The following MAF variants were observed in gnomAD, a reference collection of about 807,000 sequenced individuals.
The protein encoded by MAF is MAF bZIP transcription factor.
MAF carries 10 observed loss-of-function variants against 22.0 expected under a neutral mutation model. The ratio of observed to expected loss-of-function variants is 0.45; its 90% CI spans 0.28 to 0.77. The LOEUF (loss-of-function observed/expected upper bound fraction) is 0.77. Ranked by LOEUF, MAF falls within the 30% of genes least tolerant of loss-of-function variation. The probability of loss-of-function intolerance (pLI) is 0.12; values close to 1 mark genes in which losing one functional copy is unlikely to be tolerated. For synonymous variants in MAF, 337 were observed against 255.8 expected (o/e 1.32, Z -3.03); for missense variants, 544 against 548.4 (o/e 0.99, Z 0.08).
At chr16:79,519,419 T>C in the MAF span, among the ~76,000 whole-genome samples, 9 of 152,180 alleles carry the variant, frequency 5.9e-5, no homozygotes, top group African/African-American at 7.2e-5. Context: ...TTTGTCTAAA[T>C]AGAATGCTAC....
the MAF span, among the ~76,000 whole-genome samples, chr16:79,332,304 T>C: frequency 6.6e-6 from 1 of 151,856 alleles, no homozygotes; most frequent in Admixed American, 6.5e-5. Context: ...ATAATAATAA[T>C]ATTTTTTTTT....
At chr16:79,359,977 T>G in the MAF span, among the ~76,000 whole-genome samples, 9 of 152,126 alleles carry the variant, frequency 5.9e-5, no homozygotes, top group Non-Finnish European at 1.2e-4. Context: ...GCTCTTGGCA[T>G]GGGGAGTATT....
chr16:79,208,855 A>G, the MAF span, among the ~76,000 whole-genome samples: 1 of 152,288 alleles, frequency 6.6e-6, no homozygotes, highest in East Asian at 1.9e-4. Flanking sequence ...TCTCCAAGAG[A>G]CCAAAGGTGT....
chr16:79,294,219 T>A, the MAF span, among the ~76,000 whole-genome samples: 1 of 152,226 alleles, frequency 6.6e-6, no homozygotes, highest in Admixed American at 6.5e-5. Context: ...AGTCATGCAA[T>A]CCTTCCCATG....
At chr16:79,381,686 C>T in the MAF span, among the ~76,000 whole-genome samples, 1 of 152,152 alleles carries the variant, frequency 6.6e-6, no homozygotes. Flanking sequence ...CACGTGGTTG[C>T]TAACGGCAGT....
the MAF span, among the ~76,000 whole-genome samples, chr16:79,408,310 G>A: frequency 6.6e-6 from 1 of 151,962 alleles, no homozygotes. Context: ...TGGAGTAGCT[G>A]GGATTACAGG....
At chr16:79,502,398 G>A in the MAF span, among the ~76,000 whole-genome samples, 1 of 152,162 alleles carries the variant, frequency 6.6e-6, no homozygotes, top group African/African-American at 2.4e-5. Context: ...AGGCACAGTG[G>A]GTCATGCGCC....
the MAF span, among the ~76,000 whole-genome samples, chr16:79,307,570 T>C: frequency 1.3e-5 from 2 of 152,078 alleles, no homozygotes; most frequent in African/African-American, 2.4e-5. Flanking sequence ...AATGAGAAAA[T>C]AGTAGAGTTC....
the MAF span, among the ~76,000 whole-genome samples, chr16:79,577,566 G>C: frequency 6.6e-6 from 1 of 152,146 alleles, no homozygotes; most frequent in Non-Finnish European, 1.5e-5. Context: ...GCCCATGGAG[G>C]TTTTGGGTGA....
the MAF span, among the ~76,000 whole-genome samples, chr16:79,242,708 T>C: frequency 2.0e-5 from 3 of 152,038 alleles, no homozygotes; most frequent in Non-Finnish European, 2.9e-5. Context: ...GCAGATCTAA[T>C]AGACATCTAC....
the MAF span, among the ~76,000 whole-genome samples, chr16:79,263,898 ACAT>A: frequency 1.3e-5 from 2 of 152,268 alleles, no homozygotes; most frequent in East Asian, 3.9e-4. Context: ...AGGTGGTCCC[ACAT>A]CCCTTAATCC....
the MAF span, among the ~76,000 whole-genome samples, chr16:79,512,950 G>A: frequency 2.0e-5 from 3 of 152,232 alleles, no homozygotes; most frequent in Admixed American, 1.3e-4. Flanking sequence ...GCGCGAGAGA[G>A]GGGCTGAGTT....
At chr16:79,576,009 T>C in the MAF span, among the ~76,000 whole-genome samples, 6 of 151,990 alleles carry the variant, frequency 3.9e-5, no homozygotes, top group Non-Finnish European at 8.8e-5. Flanking sequence ...GTAAAGGTAC[T>C]CATGAGCCAC....
chr16:79,504,649 A>G, the MAF span, among the ~76,000 whole-genome samples: 9 of 152,188 alleles, frequency 5.9e-5, no homozygotes, highest in South Asian at 1.9e-3. Flanking sequence ...GGATAAATAA[A>G]TGAATGGATG....
At chr16:79,249,800 A>T in the MAF span, among the ~76,000 whole-genome samples, 1 of 151,430 alleles carries the variant, frequency 6.6e-6, no homozygotes, top group African/African-American at 2.4e-5. Context: ...GCTAATTTAC[A>T]ACTTGCAATT....
the MAF span, among the ~76,000 whole-genome samples, chr16:79,235,477 G>C: frequency 6.6e-6 from 1 of 151,970 alleles, no homozygotes; most frequent in Non-Finnish European, 1.5e-5. Context: ...GAGGTGGGGA[G>C]ATCGCTTGAG....
the MAF span, among the ~76,000 whole-genome samples, chr16:79,356,488 T>C: frequency 1.8e-4 from 27 of 152,292 alleles, no homozygotes; most frequent in African/African-American, 4.8e-4. Context: ...CCTGCCTTCC[T>C]CACGTGCCTT....
chr16:79,285,114 T>C, the MAF span, among the ~76,000 whole-genome samples: 2 of 152,218 alleles, frequency 1.3e-5, no homozygotes, highest in Non-Finnish European at 2.9e-5. Flanking sequence ...TTAAATTCTT[T>C]AAGAGTTCCT....
the MAF span, among the ~76,000 whole-genome samples, chr16:79,386,798 C>T: frequency 6.6e-6 from 1 of 152,000 alleles, no homozygotes; most frequent in African/African-American, 2.4e-5. Flanking sequence ...ACAAGCCATC[C>T]TTAGAGCCAA....
Sources: allele counts gnomAD v4.1 joint callset (sites outside exome capture counted in the v4.1 genomes callset), GRCh38; gene constraint gnomAD v4.1.1; transcripts MANE v1.5; gene names NCBI Gene and HGNC (gene_info 2026-07-23, HGNC 2026-07-21).